ASAP1: variants seen among roughly 807,000 people sequenced by gnomAD.
The protein encoded by ASAP1 is arf-GAP with SH3 domain, ANK repeat and PH domain-containing protein 1.
A neutral mutation model predicts 145.2 loss-of-function variants in ASAP1; 43 were observed. That is an observed-to-expected ratio of 0.30 (90% CI 0.23 to 0.38). ASAP1 has a LOEUF of 0.38. Among genes scored for constraint, ASAP1 ranks in the 10% least tolerant of loss-of-function variants. The probability of loss-of-function intolerance (pLI) is 1.00; values close to 1 mark genes in which losing one functional copy is unlikely to be tolerated. For synonymous variants in ASAP1, 546 were observed against 515.5 expected, an observed-to-expected ratio of 1.06 and a Z score of -0.80; for missense variants, 1,018 against 1,355.3, an observed-to-expected ratio of 0.75 and a Z score of 3.91.
chr8:130,077,535 TGC>T (rs1431640022), intron 26 of ASAP1, among the ~76,000 whole-genome samples: 4 of 127,938 alleles, frequency 3.1e-5, no homozygotes, highest in African/African-American at 5.7e-5. Context: ...CTGCTGCTGC[TGC>T]TTTTTTTTTT....
chr8:130,328,713 T>C (rs575467957), intron 3 of ASAP1, among the ~76,000 whole-genome samples: 54 of 152,102 alleles, frequency 3.6e-4, no homozygotes, highest in African/African-American at 7.7e-4. Flanking sequence ...CTTGAACTCC[T>C]GGGCTCAAGC....
At chr8:130,180,970 G>A (rs1409406508) in intron 7 of ASAP1, 90 bp from the exon 8 acceptor site, 3 of 1,262,078 alleles carry the variant, frequency 2.4e-6, no homozygotes, top group Non-Finnish European at 1.1e-6. Context: ...CTATGGATTT[G>A]GGGTGACGAT....
chr8:130,240,119 A>AT (rs920178480), intron 3 of ASAP1, among the ~76,000 whole-genome samples: 48 of 152,096 alleles, frequency 3.2e-4, no homozygotes, highest in Non-Finnish European at 5.3e-4. Flanking sequence ...CAGCCATAAC[A>AT]TTTTTTGAGA....
chr8:130,242,900 G>A (rs559571423), intron 3 of ASAP1, among the ~76,000 whole-genome samples: 4 of 152,254 alleles, frequency 2.6e-5, no homozygotes, highest in Middle Eastern at 3.4e-3. Flanking sequence ...GGTTCCACAG[G>A]CCAACTGTGG....
intron 3 of ASAP1, among the ~76,000 whole-genome samples, chr8:130,246,292 T>C (rs1350663785): frequency 6.6e-6 from 1 of 152,086 alleles, no homozygotes; most frequent in Non-Finnish European, 1.5e-5. Flanking sequence ...CACTCTGCCT[T>C]TTGTACCAAT....
At chr8:130,413,320 T>C (rs914032411) in intron 1 of ASAP1, among the ~76,000 whole-genome samples, 1 of 152,178 alleles carries the variant, frequency 6.6e-6, no homozygotes. Flanking sequence ...TCCTAACACT[T>C]AGGAGTAGGT....
intron 3 of ASAP1, among the ~76,000 whole-genome samples, chr8:130,310,779 A>C (rs1195232084): frequency 1.3e-5 from 2 of 152,212 alleles, no homozygotes; most frequent in African/African-American, 4.8e-5. Flanking sequence ...AATTCTGCCC[A>C]AACTTGACAG....
chr8:130,269,207 T>G (rs1391799686), intron 3 of ASAP1, among the ~76,000 whole-genome samples: 1 of 152,188 alleles, frequency 6.6e-6, no homozygotes, highest in Non-Finnish European at 1.5e-5. Flanking sequence ...CTAGGATGCA[T>G]TCTTTAGACT....
intron 3 of ASAP1, among the ~76,000 whole-genome samples, chr8:130,327,557 AC>A: frequency 6.6e-6 from 1 of 152,344 alleles, no homozygotes; most frequent in Non-Finnish European, 1.5e-5. Context: ...CTCTACTGAG[AC>A]GGGTAAAGAA....
At chr8:130,162,692 C>T (rs923908914) in intron 11 of ASAP1, among the ~76,000 whole-genome samples, 1 of 152,028 alleles carries the variant, frequency 6.6e-6, no homozygotes, top group Non-Finnish European at 1.5e-5. Context: ...GTGGCGGGCG[C>T]CTGTACTCCC....
At chr8:130,226,464 A>G (rs934713593) in intron 4 of ASAP1, among the ~76,000 whole-genome samples, 1 of 152,118 alleles carries the variant, frequency 6.6e-6, no homozygotes, top group Non-Finnish European at 1.5e-5. Flanking sequence ...TTAAAGACAA[A>G]ATCCTTGGAG....
chr8:130,116,171 C>A (rs993425837), intron 22 of ASAP1, among the ~76,000 whole-genome samples: 1 of 152,160 alleles, frequency 6.6e-6, no homozygotes, highest in Non-Finnish European at 1.5e-5. Context: ...GGGCCTGGAA[C>A]CTGGCACTTA....
rs78419042 is a variant in ASAP1 at position 130,364,194 on chromosome 8, C to T, written c.60-6051G>A. On this transcript the variant is annotated intron_variant, in intron 2 of 29. Transcript: ENST00000518721. ...GAGACAAAAAACTACTCTGGTTCTACCTCCCTGTTCCTCTGATGGAAGTAG... is the reference window on the plus strand; with the variant it reads ...GAGACAAAAAACTACTCTGGTTCTATCTCCCTGTTCCTCTGATGGAAGTAG... Among the ~76,000 whole-genome samples the T allele has an allele frequency of 6.9e-3, 1,056 of 152,286 alleles. 14 individuals carry two copies. The highest frequency in any genetic ancestry group is 0.025 in the African/African-American group (1,020 of 41,556).
At chr8:130,239,930 C>G (rs78240509) in intron 3 of ASAP1, among the ~76,000 whole-genome samples, 1 of 152,072 alleles carries the variant, frequency 6.6e-6, no homozygotes, top group Non-Finnish European at 1.5e-5. Context: ...CAAGTTTCCC[C>G]TGAATCAACA....
chr8:130,187,419 C>CATT (rs1565066824), intron 6 of ASAP1, 134 bp from the exon 7 acceptor site: 1 of 691,096 alleles, frequency 1.4e-6, no homozygotes, highest in African/African-American at 1.9e-5. Flanking sequence ...CACGTTACAC[C>CATT]ATTTTTTTTT....
intron 27 of ASAP1, among the ~76,000 whole-genome samples, chr8:130,072,825 G>GTGTGTGTGTGCGCGCGCGCGCA: frequency 5.0e-4 from 27 of 54,094 alleles, no homozygotes; most frequent in African/African-American, 1.3e-3. Context: ...GTGTGTGTGT[G>GTGTGTGTGTGCGCGCGCGCGCA]CGCGCGGGGG....
chr8:130,192,678 A>C (rs2136254427), intron 5 of ASAP1, among the ~76,000 whole-genome samples: 1 of 152,172 alleles, frequency 6.6e-6, no homozygotes, highest in South Asian at 2.1e-4. Flanking sequence ...TTTTTCTTCA[A>C]AGCACTTACC....
intron 5 of ASAP1, among the ~76,000 whole-genome samples, chr8:130,193,587 T>C (rs1004030584): frequency 6.6e-6 from 1 of 152,248 alleles, no homozygotes; most frequent in African/African-American, 2.4e-5. Flanking sequence ...TAAAACAAAA[T>C]ATGAAAAGAC....
intron 5 of ASAP1, among the ~76,000 whole-genome samples, chr8:130,191,049 G>GTT (rs34379401): frequency 1.4e-5 from 2 of 144,000 alleles, no homozygotes; most frequent in Non-Finnish European, 3.0e-5. Flanking sequence ...CCGGGAAATA[G>GTT]TTTTTTTTTT....
Sources: allele counts gnomAD v4.1 joint callset (sites outside exome capture counted in the v4.1 genomes callset), GRCh38; gene constraint gnomAD v4.1.1; transcripts MANE v1.5; gene names NCBI Gene and HGNC (gene_info 2026-07-23, HGNC 2026-07-21).